The following PDE8B variants were observed in gnomAD, a reference collection of about 807,000 sequenced individuals.
The protein encoded by PDE8B is phosphodiesterase 8B.
Under a neutral mutation model 101.3 loss-of-function variants are expected in PDE8B, and 26 were observed. The observed-to-expected ratio is 0.26, with a 90% CI of 0.19 to 0.36. The LOEUF (loss-of-function observed/expected upper bound fraction) is 0.36, where lower values mean the gene tolerates loss of function less well. PDE8B is among the 10% of genes least tolerant of loss of function. The pLI is 1.00. For missense variants in PDE8B, 810 were observed against 1,163.1 expected, an observed-to-expected ratio of 0.70 and a Z score of 4.42; for synonymous variants, 424 against 429.3, an observed-to-expected ratio of 0.99 and a Z score of 0.15.
chr5:77,209,368 G>GA (rs569246705), upstream of PDE8B, among the ~76,000 whole-genome samples: 845 of 148,312 alleles, frequency 5.7e-3, 1 homozygote, highest in Middle Eastern at 0.01. Context: ...AAATAAGAAT[G>GA]AAAAAAAAAC....
Position 77,290,216 on chromosome 5 carries a change from C to T in PDE8B, c.340-21778C>T, listed in dbSNP as rs533735594. ...GCCTGCCTCGCGCACTGTGTGTGCA[C>T]GCTGCAAAGACCAGCAAGCTCCTTG... On this transcript the variant is annotated intron_variant, in intron 1 of 21. Transcript: ENST00000264917. The T allele has an allele frequency of 1.4e-5, 22 of 1,541,754 alleles. No homozygotes were observed. The South Asian group carries it at 1.9e-4, about 13-fold the overall frequency.
intron 10 of PDE8B, among the ~76,000 whole-genome samples, chr5:77,370,459 G>C (rs1784888013): frequency 6.6e-6 from 1 of 152,172 alleles, no homozygotes; most frequent in South Asian, 2.1e-4. Context: ...TAATGTTTTT[G>C]AGATGTATTT....
chr5:77,200,566 A>ATTTT, the PDE8B span, among the ~76,000 whole-genome samples: 8 of 151,840 alleles, frequency 5.3e-5, no homozygotes, highest in African/African-American at 1.9e-4. Context: ...TTTTTTTTAA[A>ATTTT]AAATTTTGTT....
At chr5:77,140,287 A>ATTTG in the PDE8B span, 1 of 151,298 alleles carries the variant, frequency 6.6e-6, no homozygotes, top group Non-Finnish European at 1.5e-5. Context: ...TTTTTTCCTG[A>ATTTG]TTTGTTTTTG....
rs556369951 is a variant in PDE8B at position 77,424,674 on chromosome 5, C to T, written c.2419-1093C>T. On this transcript the variant is annotated intron_variant, in intron 20 of 21. Transcript: ENST00000264917. ...AACCAGCAGATTTTGGTATGCAGTT[C>T]AAGTGTACGTGTACTCCCATTTCAT... Among the ~76,000 whole-genome samples, 3 of 152,298 alleles carry T rather than the reference C, an allele frequency of 2.0e-5. No individual in the cohort carries two copies. The South Asian group carries it at 6.2e-4, about 32-fold the overall frequency.
chr5:77,210,892 C>A lies in PDE8B; in HGVS notation c.-34C>A, dbSNP rs1384112793. ...TGCGCTGGGTCCCGGCGGCCGCGGG[C>A]GCGGGCGGGCGCGCGGGGGAGCCCG... On this transcript the variant is annotated 5_prime_UTR_variant, in exon 1 of 22. Transcript: ENST00000264917. This position sits in a 1 kb window ranked among gnomAD's most constrained non-coding sequence, Gnocchi z 4.9. 5 of 1,254,412 alleles carry A rather than the reference C, an allele frequency of 4.0e-6. No homozygotes were observed. The highest frequency in any genetic ancestry group is 3.3e-5 in the African/African-American group (2 of 60,468). 77.7% of individuals were successfully genotyped at this position (1,254,412 alleles called of 1,614,324 possible).
intron 10 of PDE8B, 46 bp downstream of exon 10, chr5:77,353,452 G>A (rs770649783): frequency 8.7e-6 from 9 of 1,040,326 alleles, no homozygotes; most frequent in South Asian, 2.5e-5. Context: ...TTGGCCATGC[G>A]TCACCTCTGT....
intron 1 of PDE8B, among the ~76,000 whole-genome samples, chr5:77,287,656 TCTCC>T (rs906189355): frequency 6.6e-6 from 1 of 152,218 alleles, no homozygotes; most frequent in African/African-American, 2.4e-5. Flanking sequence ...CATCCTTTTG[TCTCC>T]CTGCACCTTA....
In PDE8B at chr5:77,274,221, C is replaced by G. The variant is rs151192440; in HGVS notation, c.340-37773C>G. Among the ~76,000 whole-genome samples the G allele has an allele frequency of 2.6e-5, 4 of 152,148 alleles. No individual in the cohort carries two copies. The East Asian group carries it at 7.7e-4, about 29-fold the overall frequency. ...GTACATATATATTATCTCAATTAATCCTCAAAAAATCCCTATGAGGTAGGG... is the reference window on the plus strand; with the variant it reads ...GTACATATATATTATCTCAATTAATGCTCAAAAAATCCCTATGAGGTAGGG... On this transcript the variant is annotated intron_variant, in intron 1 of 21. Transcript: ENST00000264917.
At chr5:77,180,466 T>C in the PDE8B span, 3 of 985,366 alleles carry the variant, frequency 3.0e-6, no homozygotes, top group Non-Finnish European at 2.4e-6. Context: ...CCAGCTGTAC[T>C]GCCCACCGAG....
At chr5:77,146,076 T>C in the PDE8B span, 1 of 152,222 alleles carries the variant, frequency 6.6e-6, no homozygotes, top group Non-Finnish European at 1.5e-5. Flanking sequence ...ACTATATTCA[T>C]TCCTTCATTG....
intron 2 of PDE8B, among the ~76,000 whole-genome samples, chr5:77,314,398 C>G (rs1039952232): frequency 1.8e-4 from 27 of 151,928 alleles, no homozygotes; most frequent in African/African-American, 6.3e-4. Context: ...ATTTTAGGAC[C>G]ATTTTGTCAA....
the PDE8B span, among the ~76,000 whole-genome samples, chr5:77,104,349 A>G: frequency 1.3e-5 from 2 of 152,218 alleles, no homozygotes; most frequent in African/African-American, 4.8e-5. Context: ...GTTTGCGTCT[A>G]TTCAAAATTC....
At chr5:77,262,305 A>G in intron 1 of PDE8B, among the ~76,000 whole-genome samples, 1 of 152,186 alleles carries the variant, frequency 6.6e-6, no homozygotes, top group East Asian at 1.9e-4. Flanking sequence ...TTCTTCTGAC[A>G]TGTCCTCTAG....
chr5:77,293,676 A>G (rs1402837643), intron 1 of PDE8B, among the ~76,000 whole-genome samples: 2 of 152,220 alleles, frequency 1.3e-5, no homozygotes, highest in Admixed American at 6.5e-5. Flanking sequence ...TGTTGAAGAA[A>G]TGTTTGAATG....
intron 1 of PDE8B, among the ~76,000 whole-genome samples, chr5:77,310,073 C>T (rs1772246053): frequency 6.6e-6 from 1 of 151,166 alleles, no homozygotes; most frequent in Middle Eastern, 3.4e-3. Context: ...CCTCAGCCTC[C>T]CAAGCAGCTG....
intron 1 of PDE8B, among the ~76,000 whole-genome samples, chr5:77,235,312 A>G (rs1754432609): frequency 6.6e-6 from 1 of 152,208 alleles, no homozygotes; most frequent in Non-Finnish European, 1.5e-5. Context: ...TTAGTATATT[A>G]TTCAATTGAT....
chr5:77,177,272 G>A, the PDE8B span, among the ~76,000 whole-genome samples: 2,289 of 152,234 alleles, frequency 0.015, 52 homozygotes, highest in African/African-American at 0.046. Flanking sequence ...CCCCTTATCC[G>A]CAAGGGATAT....
At chr5:77,130,640 C>G in the PDE8B span, among the ~76,000 whole-genome samples, 1 of 151,834 alleles carries the variant, frequency 6.6e-6, no homozygotes, top group African/African-American at 2.4e-5. Context: ...ACACATACAC[C>G]TTATGGTAGA....
Sources: allele counts gnomAD v4.1 joint callset (sites outside exome capture counted in the v4.1 genomes callset), GRCh38; gene constraint gnomAD v4.1.1; non-coding constraint Gnocchi (gnomAD v3.1); transcripts MANE v1.5; gene names NCBI Gene and HGNC (gene_info 2026-07-23, HGNC 2026-07-21).